Variants in COL5A2 observed in about 807,000 individuals in gnomAD.
The protein encoded by COL5A2 is collagen alpha-2(V) chain.
Under a neutral mutation model 208.2 loss-of-function variants are expected in COL5A2, and 23 were observed. The ratio of observed to expected loss-of-function variants is 0.11; its 90% confidence interval spans 0.08 to 0.16. The LOEUF is 0.16. COL5A2 is among the 10% of genes least tolerant of loss of function. The probability of loss-of-function intolerance (pLI) is 1.00; values close to 1 mark genes in which losing one functional copy is unlikely to be tolerated. For missense variants in COL5A2, 1,590 were observed against 1,956.4 expected (o/e 0.81, Z 3.53); for synonymous variants, 625 against 628.5 (o/e 0.99, Z 0.08).
intron 28 of COL5A2, 21 bp downstream of exon 28, chr2:189,062,989 T>C (rs1686068429): frequency 1.2e-6 from 2 of 1,614,018 alleles, no homozygotes; most frequent in Non-Finnish European, 1.7e-6. Context: ...TATTTTTCTT[T>C]AGCAGAAAAT....
chr2:189,040,335 C>CTTTTTT (rs34847104), intron 50 of COL5A2, among the ~76,000 whole-genome samples: 2 of 138,266 alleles, frequency 1.4e-5, no homozygotes. Flanking sequence ...GCCCTCCTGC[C>CTTTTTT]TTTTTTTTTT....
At chr2:189,353,281 T>C in the COL5A2 span, among the ~76,000 whole-genome samples, 2,799 of 152,340 alleles carry the variant, frequency 0.018, 90 homozygotes, top group African/African-American at 0.063. Flanking sequence ...GGCTCTTTTT[T>C]GGTTCCATAT....
chr2:189,197,192 A>C (rs2105852375), intron 1 of COL5A2, among the ~76,000 whole-genome samples: 1 of 152,254 alleles, frequency 6.6e-6, no homozygotes, highest in East Asian at 1.9e-4. Context: ...GGAACAGAAA[A>C]CCAAACACAA....
the COL5A2 span, among the ~76,000 whole-genome samples, chr2:189,292,900 T>C: frequency 2.0e-5 from 3 of 152,134 alleles, no homozygotes; most frequent in Non-Finnish European, 4.4e-5. Flanking sequence ...GTGGCACATA[T>C]ACACCATGGA....
At chr2:189,068,294 T>C in intron 19 of COL5A2, 24 bp from the exon 20 acceptor site, 1 of 1,589,400 alleles carries the variant, frequency 6.3e-7, no homozygotes, top group Non-Finnish European at 8.6e-7. Context: ...TAAAAGTATG[T>C]AATGAAATAT....
At chr2:189,348,419 G>A in the COL5A2 span, among the ~76,000 whole-genome samples, 1 of 152,132 alleles carries the variant, frequency 6.6e-6, no homozygotes, top group Non-Finnish European at 1.5e-5. Context: ...AGAGACAGAT[G>A]TTTCAGCTGA....
chr2:189,217,450 G>A (rs1689293334), intron 1 of COL5A2, among the ~76,000 whole-genome samples: 1 of 152,150 alleles, frequency 6.6e-6, no homozygotes, highest in Admixed American at 6.6e-5. Flanking sequence ...GCATTTTGGG[G>A]ATCCAACTAA....
intron 16 of COL5A2, among the ~76,000 whole-genome samples, chr2:189,076,926 T>A (rs909930933): frequency 1.3e-5 from 2 of 151,878 alleles, no homozygotes; most frequent in African/African-American, 2.4e-5. Context: ...ACAAAAAAAA[T>A]TAGCCAGGAA....
the COL5A2 span, among the ~76,000 whole-genome samples, chr2:189,267,671 C>T: frequency 2.0e-5 from 3 of 152,006 alleles, no homozygotes; most frequent in Non-Finnish European, 4.4e-5. Flanking sequence ...TTTACATGCT[C>T]CTGGAGACAT....
At chr2:189,391,194 G>T in the COL5A2 span, among the ~76,000 whole-genome samples, 1 of 152,140 alleles carries the variant, frequency 6.6e-6, no homozygotes, top group African/African-American at 2.4e-5. Flanking sequence ...GCTGGGTCTT[G>T]TAACACGGCA....
chr2:189,248,393 T>C, the COL5A2 span, among the ~76,000 whole-genome samples: 1 of 152,198 alleles, frequency 6.6e-6, no homozygotes, highest in East Asian at 1.9e-4. Context: ...ACTAGAGTAT[T>C]AGTAAGAGAA....
chr2:189,416,163 G>A, the COL5A2 span, among the ~76,000 whole-genome samples: 1 of 152,088 alleles, frequency 6.6e-6, no homozygotes, highest in Non-Finnish European at 1.5e-5. Flanking sequence ...CGATTCCTCA[G>A]GGATCTAGAA....
chr2:189,303,036 A>G, the COL5A2 span, among the ~76,000 whole-genome samples: 9 of 152,138 alleles, frequency 5.9e-5, no homozygotes, highest in African/African-American at 1.9e-4. Context: ...TTAATAAGAA[A>G]TTTTCTATCC....
the COL5A2 span, among the ~76,000 whole-genome samples, chr2:189,434,393 C>A: frequency 1.3e-5 from 2 of 152,004 alleles, no homozygotes; most frequent in Non-Finnish European, 2.9e-5. Context: ...TCAAATTGTC[C>A]CTGTTTGCAG....
At chr2:189,284,016 A>C in the COL5A2 span, among the ~76,000 whole-genome samples, 2 of 152,158 alleles carry the variant, frequency 1.3e-5, no homozygotes, top group African/African-American at 4.8e-5. Flanking sequence ...AGTTTCTTAG[A>C]ATAGTTGGCA....
At chr2:189,125,965 G>A (rs1949327) in intron 1 of COL5A2, among the ~76,000 whole-genome samples, 116,953 of 151,980 alleles carry the variant, frequency 0.77, 48,394 homozygotes, top group South Asian at 0.91. Context: ...GAAGAGTTTA[G>A]TCAAAACTTA....
intron 3 of COL5A2, among the ~76,000 whole-genome samples, chr2:189,102,684 C>A (rs1687070500): frequency 6.6e-6 from 1 of 152,064 alleles, no homozygotes; most frequent in Admixed American, 6.6e-5. Context: ...CTCACATTTG[C>A]ATCATCTATA....
At chr2:189,325,494 A>G in the COL5A2 span, among the ~76,000 whole-genome samples, 1 of 151,850 alleles carries the variant, frequency 6.6e-6, no homozygotes, top group Admixed American at 6.6e-5. Context: ...ACACACACAC[A>G]CACACATACA....
chr2:189,413,981 G>A, the COL5A2 span, among the ~76,000 whole-genome samples: 1,281 of 151,764 alleles, frequency 8.4e-3, 18 homozygotes, highest in African/African-American at 0.029. Context: ...TAGTAGAGAC[G>A]GGGTTTCACC....
Sources: allele counts gnomAD v4.1 joint callset (sites outside exome capture counted in the v4.1 genomes callset), GRCh38; gene constraint gnomAD v4.1.1; transcripts MANE v1.5; gene names NCBI Gene and HGNC (gene_info 2026-07-23, HGNC 2026-07-21).